Variants in MTUS2 observed in about 807,000 individuals in gnomAD.
MTUS2 encodes microtubule associated scaffold protein 2.
Under a neutral mutation model 114.1 loss-of-function variants are expected in MTUS2, and 40 were observed. The observed-to-expected ratio is 0.35, with a 90% CI of 0.27 to 0.46. The LOEUF (loss-of-function observed/expected upper bound fraction) is 0.46, where lower values mean the gene tolerates loss of function less well. MTUS2 is among the 20% of genes least tolerant of loss of function. The probability of loss-of-function intolerance (pLI) is 1.00; values close to 1 mark genes in which losing one functional copy is unlikely to be tolerated. For synonymous variants in MTUS2, 688 were observed against 672.0 expected, an observed-to-expected ratio of 1.02 and a Z score of -0.37; for missense variants, 1,679 against 1,705.4, an observed-to-expected ratio of 0.98 and a Z score of 0.27.
In MTUS2 at chr13:29,065,374, T is replaced by C. The variant is rs1425898806; in HGVS notation, c.2446+31249T>C. ...GTGGTTTTGATTTGCATTTCTCTAA[T>C]TGTGAGTGATATTGAGCTTTTTTTT... On this transcript the variant is annotated intron_variant, in intron 4 of 15. Coordinates refer to ENST00000612955, the MANE Select transcript of MTUS2 (RefSeq NM_001033602.4). Among the ~76,000 whole-genome samples, 8 of 152,208 alleles carry C rather than the reference T, an allele frequency of 5.3e-5. No homozygotes were observed. The East Asian group carries it at 1.3e-3, about 26-fold the overall frequency.
At chr13:29,240,775 T>C (rs17073120) in intron 5 of MTUS2, among the ~76,000 whole-genome samples, 3,821 of 152,258 alleles carry the variant, frequency 0.025, 158 homozygotes, top group African/African-American at 0.087. Flanking sequence ...ACATTTCTTA[T>C]GATTTTATTT....
Position 29,505,868 on chromosome 13 carries a change from TCCCTTTTCCTGCCC to T in MTUS2, c.*2664_*2677del, listed in dbSNP as rs1443011933. ...TAGTTGAATGAATGGGGTCACAACA[TCCCTTTTCCTGCCC>T]CTACAGTTTGTGTTGCATATTTGTG... On this transcript the variant is annotated 3_prime_UTR_variant, in exon 16 of 16. Transcript: ENST00000612955. 8.8e-6 allele frequency: 2 copies of T among 227,790 alleles called. No homozygotes were observed. The highest frequency in any genetic ancestry group is 1.2e-4 in the East Asian group (2 of 16,026). 14.1% of individuals were successfully genotyped at this position (227,790 alleles called of 1,614,324 possible).
intron 5 of MTUS2, among the ~76,000 whole-genome samples, chr13:29,280,098 T>C (rs1490894494): frequency 6.6e-6 from 1 of 152,228 alleles, no homozygotes; most frequent in African/African-American, 2.4e-5. Context: ...AGAGAGTCTC[T>C]GAGTTCTAGC....
At position 29,083,283 on chromosome 13, in the gene MTUS2, C is replaced by T. The variant is rs576344475; in HGVS notation, c.2447-17490C>T. The stretch of plus-strand genomic sequence containing the variant: ...TGTCCTGAACGAGTGTGTCGAATGT[C>T]GAATGAATGCCTTCAGAAGAGAATG... On this transcript the variant is annotated intron_variant, in intron 4 of 15. Coordinates refer to ENST00000612955, the MANE Select transcript of MTUS2 (RefSeq NM_001033602.4). Among the ~76,000 whole-genome samples the T allele has an allele frequency of 9.2e-5, 14 of 152,234 alleles. No individual in the cohort carries two copies. In the South Asian group the frequency reaches 1.5e-3, roughly 16 times the overall value.
chr13:28,860,779 C>T (rs191791685), intron 2 of MTUS2, among the ~76,000 whole-genome samples: 17 of 152,288 alleles, frequency 1.1e-4, no homozygotes, highest in African/African-American at 2.2e-4. Flanking sequence ...CCTCCTGTCA[C>T]GCTCAGTTTT....
chr13:28,856,351 T>C (rs192149224), intron 2 of MTUS2, among the ~76,000 whole-genome samples: 1 of 152,270 alleles, frequency 6.6e-6, no homozygotes, highest in Non-Finnish European at 1.5e-5. Context: ...GTGCATAAAA[T>C]CTTTTTTAGC....
At chr13:29,130,673 C>T (rs371164287) in intron 5 of MTUS2, among the ~76,000 whole-genome samples, 2 of 151,964 alleles carry the variant, frequency 1.3e-5, no homozygotes, top group East Asian at 3.9e-4. Context: ...GTTGCCAGGC[C>T]GGAGTGCAAT....
chr13:28,988,356 T>A (rs1884680267), intron 2 of MTUS2, among the ~76,000 whole-genome samples: 1 of 152,252 alleles, frequency 6.6e-6, no homozygotes, highest in Non-Finnish European at 1.5e-5. Context: ...TATGTCATCA[T>A]GTCTTTGTGC....
chr13:29,313,738 G>T (rs1333444807), intron 6 of MTUS2, among the ~76,000 whole-genome samples: 2 of 152,126 alleles, frequency 1.3e-5, no homozygotes, highest in African/African-American at 4.8e-5. Context: ...GATACAAAAA[G>T]ATCCAGAGCA....
At chr13:28,868,340 G>T (rs1877422120) in intron 2 of MTUS2, among the ~76,000 whole-genome samples, 1 of 152,178 alleles carries the variant, frequency 6.6e-6, no homozygotes, top group African/African-American at 2.4e-5. Flanking sequence ...GTTATCAGAA[G>T]TATCATAGTC....
intron 2 of MTUS2, among the ~76,000 whole-genome samples, chr13:28,878,306 TACAC>T (rs1351329361): frequency 6.6e-6 from 1 of 151,346 alleles, no homozygotes; most frequent in Non-Finnish European, 1.5e-5. Flanking sequence ...CACACACACA[TACAC>T]ACACATATAC....
intron 9 of MTUS2, among the ~76,000 whole-genome samples, chr13:29,444,286 A>G (rs910249134): frequency 1.3e-5 from 2 of 152,090 alleles, no homozygotes; most frequent in African/African-American, 2.4e-5. Context: ...AAAATTAGCT[A>G]GGTGTGGTGG....
intron 9 of MTUS2, among the ~76,000 whole-genome samples, chr13:29,445,303 T>C (rs1474500279): frequency 6.6e-6 from 1 of 152,108 alleles, no homozygotes; most frequent in East Asian, 1.9e-4. Flanking sequence ...AGTGATTCCA[T>C]TCAGTTCTGA....
chr13:29,125,529 A>G (rs572947304), intron 5 of MTUS2, among the ~76,000 whole-genome samples: 97 of 152,350 alleles, frequency 6.4e-4, no homozygotes, highest in Non-Finnish European at 1.2e-3. Flanking sequence ...AATAATATGA[A>G]CACTTTGTCA....
intron 2 of MTUS2, among the ~76,000 whole-genome samples, chr13:28,953,792 T>C (rs1882926464): frequency 6.6e-6 from 1 of 152,238 alleles, no homozygotes; most frequent in Admixed American, 6.5e-5. Flanking sequence ...TGTATTTTAG[T>C]AAAATTACTT....
chr13:28,995,070 T>G (rs949929271), intron 2 of MTUS2, among the ~76,000 whole-genome samples: 4 of 152,226 alleles, frequency 2.6e-5, no homozygotes, highest in African/African-American at 7.2e-5. Context: ...CTTGAATTAA[T>G]TTTTGTATAA....
At chr13:28,823,744 C>T (rs983819641) in intron 1 of MTUS2, among the ~76,000 whole-genome samples, 3 of 152,210 alleles carry the variant, frequency 2.0e-5, no homozygotes, top group Non-Finnish European at 4.4e-5. Context: ...AAAGACATAC[C>T]CAAGACTGGG....
intron 14 of MTUS2, among the ~76,000 whole-genome samples, chr13:29,499,154 G>T (rs891157963): frequency 6.6e-5 from 10 of 152,166 alleles, no homozygotes; most frequent in Non-Finnish European, 1.2e-4. Context: ...GGAATTTGGG[G>T]GGACACAAAC....
intron 7 of MTUS2, among the ~76,000 whole-genome samples, chr13:29,334,226 G>A (rs1308312462): frequency 6.6e-6 from 1 of 152,110 alleles, no homozygotes; most frequent in Admixed American, 6.6e-5. Context: ...ATATTATTAT[G>A]TGTGAATTTG....
Sources: allele counts gnomAD v4.1 joint callset (sites outside exome capture counted in the v4.1 genomes callset), GRCh38; gene constraint gnomAD v4.1.1; transcripts MANE v1.5; gene names NCBI Gene and HGNC (gene_info 2026-07-23, HGNC 2026-07-21).